HIVEP3: variants seen among roughly 807,000 people sequenced by gnomAD.
HIVEP3 encodes the protein HIVEP zinc finger 3, also known as transcription factor HIVEP3.
In HIVEP3, 49 loss-of-function variants were observed where a neutral mutation model predicts 152.8. That is an observed-to-expected ratio of 0.32 (90% CI 0.26 to 0.41). The LOEUF (loss-of-function observed/expected upper bound fraction) is 0.41, where lower values mean the gene tolerates loss of function less well. Ranked by LOEUF, HIVEP3 falls within the 10% of genes least tolerant of loss-of-function variation. The pLI is 1.00. For synonymous variants in HIVEP3, 1,269 were observed against 1,289.0 expected (o/e 0.98, Z 0.33); for missense variants, 2,790 against 3,103.3 (o/e 0.90, Z 2.40).
chr1:41,548,243 G>A (rs774044937), intron 5 of HIVEP3, among the ~76,000 whole-genome samples: 6 of 152,168 alleles, frequency 3.9e-5, no homozygotes, highest in Non-Finnish European at 7.3e-5. Context: ...CAAGCACCAT[G>A]CAGTCCTTAG....
chr1:41,693,690 A>C (rs1256205180), intron 2 of HIVEP3, among the ~76,000 whole-genome samples: 1 of 152,156 alleles, frequency 6.6e-6, no homozygotes, highest in Non-Finnish European at 1.5e-5. Context: ...TCTGGATTTG[A>C]TATTACACGT....
At chr1:41,941,366 G>A (rs574869512) in intron 1 of HIVEP3, among the ~76,000 whole-genome samples, 5 of 152,204 alleles carry the variant, frequency 3.3e-5, no homozygotes, top group Admixed American at 2.0e-4. Context: ...CTAGAGAAAG[G>A]GAATAGAATC....
At chr1:41,541,287 A>G (rs1270869383) in intron 5 of HIVEP3, among the ~76,000 whole-genome samples, 2 of 152,064 alleles carry the variant, frequency 1.3e-5, no homozygotes, top group Non-Finnish European at 2.9e-5. Flanking sequence ...TGAAAGCCCT[A>G]TTTCTCTAAT....
At chr1:41,741,407 G>A (rs1267650947) in intron 1 of HIVEP3, among the ~76,000 whole-genome samples, 1 of 152,176 alleles carries the variant, frequency 6.6e-6, no homozygotes, top group African/African-American at 2.4e-5. Flanking sequence ...GGAGTGGGAG[G>A]TGCTCTCCTG....
intron 1 of HIVEP3, chr1:41,848,830 G>A (rs142150876): frequency 6.6e-6 from 1 of 152,342 alleles, no homozygotes; most frequent in Non-Finnish European, 1.5e-5. Context: ...CCCTACCTGT[G>A]ACTACCCCTC....
At chr1:41,551,026 T>C (rs1643888269) in intron 5 of HIVEP3, among the ~76,000 whole-genome samples, 1 of 152,098 alleles carries the variant, frequency 6.6e-6, no homozygotes, top group African/African-American at 2.4e-5. Context: ...CATAAATAGC[T>C]CTTATTATTT....
At position 41,583,111 on chromosome 1, in the gene HIVEP3, A is replaced by G; in HGVS notation, c.1687T>C (p.Phe563Leu). 6.2e-7 allele frequency: 1 copy of G among 1,613,428 alleles called. No individual in the cohort carries two copies. Among genetic ancestry groups the G allele is most frequent in the South Asian group, 1.1e-5 (1 of 91,060 alleles). Residue 563 changes from phenylalanine to leucine, a missense_variant, in exon 4 of 9, where the codon TTC becomes CTC. By Grantham distance (22) the Phe-to-Leu change is conservative (BLOSUM62 0). This residue lies in a region of HIVEP3 where 339 missense variants were observed against 327.0 expected (regional missense o/e 1.04). Transcript: ENST00000372583. This position sits in a 1 kb window ranked among gnomAD's most constrained non-coding sequence, Gnocchi z 6.9. ...PHHPFRGSYS[F>L]DDHITDSEAL... ...TCGGAGTCGGTGATATGGTCATCGAAGGAGTAGCTACCTCGGAAGGGGTGG... is the reference window on the plus strand; with the variant it reads ...TCGGAGTCGGTGATATGGTCATCGAGGGAGTAGCTACCTCGGAAGGGGTGG...
At chr1:41,687,345 T>C (rs1488971704) in intron 2 of HIVEP3, among the ~76,000 whole-genome samples, 1 of 152,244 alleles carries the variant, frequency 6.6e-6, no homozygotes, top group Non-Finnish European at 1.5e-5. Context: ...CACTAAACTT[T>C]AGCTGCCCCT....
At chr1:41,928,739 T>C (rs1294785229) in intron 1 of HIVEP3, among the ~76,000 whole-genome samples, 2 of 152,168 alleles carry the variant, frequency 1.3e-5, no homozygotes, top group Non-Finnish European at 2.9e-5. Flanking sequence ...CAATTTGGGT[T>C]TGTCTGATGT....
At chr1:41,683,513 C>T (rs1040086275) in intron 2 of HIVEP3, among the ~76,000 whole-genome samples, 1 of 152,144 alleles carries the variant, frequency 6.6e-6, no homozygotes, top group Non-Finnish European at 1.5e-5. Context: ...AATATGGAGT[C>T]CTTAGGGATA....
chr1:41,518,612 G>A, intron 6 of HIVEP3, 124 bp from the exon 7 acceptor site: 1 of 873,236 alleles, frequency 1.1e-6, no homozygotes, highest in South Asian at 1.4e-5. Context: ...GGCCCTGCCA[G>A]CTGCAGGGCT....
intron 1 of HIVEP3, among the ~76,000 whole-genome samples, chr1:41,891,800 T>C (rs942059168): frequency 6.6e-6 from 1 of 152,212 alleles, no homozygotes; most frequent in Non-Finnish European, 1.5e-5. Flanking sequence ...CTGACAGCTG[T>C]CTTCTTTCTC....
At chr1:41,874,153 G>A (rs116459114) in intron 1 of HIVEP3, among the ~76,000 whole-genome samples, 5 of 152,292 alleles carry the variant, frequency 3.3e-5, no homozygotes, top group South Asian at 2.1e-4. Context: ...ATAGTTAACT[G>A]CCTTAAAGTT....
At chr1:41,823,196 T>C (rs897881924) in intron 1 of HIVEP3, among the ~76,000 whole-genome samples, 3 of 152,190 alleles carry the variant, frequency 2.0e-5, no homozygotes, top group African/African-American at 7.2e-5. Flanking sequence ...AACCCAACCA[T>C]GCCAGCGCCT....
At chr1:41,641,960 G>A (rs1645380332) in intron 2 of HIVEP3, among the ~76,000 whole-genome samples, 2 of 152,234 alleles carry the variant, frequency 1.3e-5, no homozygotes, top group Admixed American at 1.3e-4. Flanking sequence ...CATTTGTAAA[G>A]TGGGAATGAC....
intron 1 of HIVEP3, among the ~76,000 whole-genome samples, chr1:41,888,726 C>CCA (rs374637170): frequency 8.7e-6 from 1 of 115,558 alleles, no homozygotes; most frequent in African/African-American, 3.3e-5. Flanking sequence ...CACACACATA[C>CCA]CACACACACA....
chr1:41,853,454 C>T (rs765145107), intron 1 of HIVEP3, among the ~76,000 whole-genome samples: 11 of 152,060 alleles, frequency 7.2e-5, no homozygotes, highest in Non-Finnish European at 1.5e-4. Flanking sequence ...GAGGAACTAC[C>T]AAACAATTAT....
chr1:41,727,600 G>A (rs1291100928), intron 1 of HIVEP3, among the ~76,000 whole-genome samples: 3 of 152,242 alleles, frequency 2.0e-5, no homozygotes, highest in Non-Finnish European at 2.9e-5. Flanking sequence ...GGGGCGCGGC[G>A]CCGCCGGAGG....
At chr1:41,719,022 G>A (rs1339396222) in intron 1 of HIVEP3, among the ~76,000 whole-genome samples, 2 of 152,218 alleles carry the variant, frequency 1.3e-5, no homozygotes, top group Non-Finnish European at 2.9e-5. Flanking sequence ...ATGGCCAAGT[G>A]GGAGTAACAA....
Sources: allele counts gnomAD v4.1 joint callset (sites outside exome capture counted in the v4.1 genomes callset), GRCh38; gene constraint gnomAD v4.1.1; regional missense constraint gnomAD v4.1.1; non-coding constraint Gnocchi (gnomAD v3.1); transcripts MANE v1.5; gene names NCBI Gene and HGNC (gene_info 2026-07-23, HGNC 2026-07-21).